SLCO2A1: variants seen among roughly 807,000 people sequenced by gnomAD.
SLCO2A1 encodes the protein solute carrier organic anion transporter family member 2A1, also known as matrin F/G 1.
A neutral mutation model predicts 71.7 loss-of-function variants in SLCO2A1; 60 were observed. The observed-to-expected ratio is 0.84, with a 90% CI of 0.68 to 1.04. SLCO2A1 has a LOEUF of 1.04. SLCO2A1 is among the 50% of genes least tolerant of loss of function. The probability of loss-of-function intolerance (pLI) is 0.00; values close to 1 mark genes in which losing one functional copy is unlikely to be tolerated. For synonymous variants in SLCO2A1, 308 were observed against 326.7 expected, an observed-to-expected ratio of 0.94 and a Z score of 0.62; for missense variants, 745 against 813.4, an observed-to-expected ratio of 0.92 and a Z score of 1.02.
At chr3:134,012,088 T>C (rs7629416) in intron 1 of SLCO2A1, among the ~76,000 whole-genome samples, 92,835 of 152,010 alleles carry the variant, frequency 0.61, 29,258 homozygotes, top group Middle Eastern at 0.79. Flanking sequence ...GAACCAGCAA[T>C]GAAACCTTTG....
At position 133,979,540 on chromosome 3, in the gene SLCO2A1, T is replaced by C. The variant is rs1934536213; in HGVS notation, c.175A>G (p.Ile59Val). ...CTGGAGAGCCCAAAGCGCTTCTCAA[T>C]GGTGGTGAGGCTGCTCTTGAAGTAG... ...SAYFKSSLTTIEKRFGLSSSS... is the reference protein window; with the variant it reads ...SAYFKSSLTTVEKRFGLSSSS... Residue 59 changes from isoleucine (I) to valine (V), a missense_variant, in exon 2 of 14, where the codon ATT (isoleucine) becomes GTT (valine). Coordinates refer to ENST00000310926, the MANE Select transcript of SLCO2A1 (RefSeq NM_005630.3). 13 of 1,613,988 alleles carry C rather than the reference T, an allele frequency of 8.1e-6. No homozygotes were observed. The highest frequency in any genetic ancestry group is 9.3e-6 in the Non-Finnish European group (11 of 1,180,002).
At chr3:133,947,788 G>A (rs1024532154) in intron 8 of SLCO2A1, among the ~76,000 whole-genome samples, 3 of 152,280 alleles carry the variant, frequency 2.0e-5, no homozygotes, top group Non-Finnish European at 1.5e-5. Flanking sequence ...CAAGAGTGAT[G>A]ACCCCTATGT....
rs147004307 is a variant in SLCO2A1, at chr3:133,975,284, C to T, written c.235-1459G>A. Among the ~76,000 whole-genome samples, 405 of 152,306 alleles carry T rather than the reference C, an allele frequency of 2.7e-3. 1 individual carries two copies. Among genetic ancestry groups the T allele is most frequent in the African/African-American group, 9.1e-3 (380 of 41,554 alleles). On this transcript the variant is annotated intron_variant, in intron 2 of 13. Transcript: ENST00000310926. ...GTCCTCCTTGTCTCAGTAAATGGCA[C>T]CTCCATCCTCCCAGTGGCTCACACA...
intron 1 of SLCO2A1, among the ~76,000 whole-genome samples, chr3:134,007,437 T>G (rs1013478274): frequency 6.6e-6 from 1 of 152,226 alleles, no homozygotes; most frequent in Non-Finnish European, 1.5e-5. Flanking sequence ...CTCTAAGAGT[T>G]TTATAGTTTT....
chr3:133,964,402 A>G (rs1934117546), intron 3 of SLCO2A1, among the ~76,000 whole-genome samples: 1 of 152,216 alleles, frequency 6.6e-6, no homozygotes, highest in Non-Finnish European at 1.5e-5. Context: ...TTTTCATCCA[A>G]AGAGATGAGT....
chr3:134,027,044 C>T (rs545078268), intron 1 of SLCO2A1, among the ~76,000 whole-genome samples: 18 of 152,324 alleles, frequency 1.2e-4, no homozygotes, highest in African/African-American at 3.8e-4. Flanking sequence ...AAAGCTTCAT[C>T]GCTACCTTAG....
intron 1 of SLCO2A1, among the ~76,000 whole-genome samples, chr3:133,981,762 G>C (rs1353036435): frequency 6.6e-6 from 1 of 152,110 alleles, no homozygotes; most frequent in Admixed American, 6.5e-5. Flanking sequence ...GGATCATGAG[G>C]TCAGGAGTTC....
At chr3:133,962,877 C>A (rs1934073057) in intron 3 of SLCO2A1, among the ~76,000 whole-genome samples, 1 of 152,178 alleles carries the variant, frequency 6.6e-6, no homozygotes, top group South Asian at 2.1e-4. Context: ...CCAAACACAG[C>A]CACCTGCCCC....
chr3:133,946,209 A>C (rs1576428319), intron 9 of SLCO2A1, among the ~76,000 whole-genome samples: 1 of 146,674 alleles, frequency 6.8e-6, no homozygotes, highest in Non-Finnish European at 1.5e-5. Context: ...TCCTTCACCC[A>C]CCAAAGACAG....
At chr3:133,981,692 C>T (rs1053120235) in intron 1 of SLCO2A1, among the ~76,000 whole-genome samples, 1 of 152,126 alleles carries the variant, frequency 6.6e-6, no homozygotes, top group African/African-American at 2.4e-5. Flanking sequence ...AAAAGAAAAG[C>T]AAGGCTGGGC....
intron 3 of SLCO2A1, among the ~76,000 whole-genome samples, chr3:133,966,556 G>T (rs150060555): frequency 1.3e-5 from 2 of 152,336 alleles, no homozygotes; most frequent in Non-Finnish European, 2.9e-5. Flanking sequence ...CTTAGGTCCT[G>T]GTTTGTGGGT....
intron 3 of SLCO2A1, among the ~76,000 whole-genome samples, chr3:133,958,793 G>T (rs1933961009): frequency 6.6e-6 from 1 of 152,184 alleles, no homozygotes; most frequent in South Asian, 2.1e-4. Context: ...TATTTCTGAA[G>T]ATTCAGACAA....
In SLCO2A1 at chr3:133,955,090, G is replaced by T. The variant is rs1243799853; in HGVS notation, c.501C>A (p.Ser167Arg). ...STTQNPQKET[S>R]SMWGLMVVAQ... ...CAACCACCATCAGGCCCCACATGCT[G>T]CTGGTCTCCTTCTGGGGGTTCTGGG... Residue 167 changes from serine to arginine, a missense_variant, in exon 4 of 14, where the codon AGC (serine) becomes AGA (arginine). Transcript: ENST00000310926. The T allele has an allele frequency of 1.4e-5, 22 of 1,614,080 alleles. No homozygotes were observed. The highest frequency in any genetic ancestry group is 2.7e-5 in the African/African-American group (2 of 74,944).
At chr3:133,983,418 C>T (rs1331875417) in intron 1 of SLCO2A1, among the ~76,000 whole-genome samples, 3 of 152,220 alleles carry the variant, frequency 2.0e-5, no homozygotes, top group Non-Finnish European at 4.4e-5. Context: ...CCCCAATGAG[C>T]CCTGTGCAGA....
chr3:133,982,416 G>A (rs530339876), intron 1 of SLCO2A1, among the ~76,000 whole-genome samples: 2 of 152,174 alleles, frequency 1.3e-5, no homozygotes, highest in South Asian at 2.1e-4. Context: ...CAGAACTTTC[G>A]CCAGAGTTTT....
intron 1 of SLCO2A1, among the ~76,000 whole-genome samples, chr3:133,999,974 C>T (rs769819732): frequency 7.2e-5 from 11 of 152,124 alleles, no homozygotes; most frequent in Non-Finnish European, 1.3e-4. Context: ...ACGGAGGCCA[C>T]GCAAGATCTT....
At chr3:133,996,136 C>A (rs1934958548) in intron 1 of SLCO2A1, among the ~76,000 whole-genome samples, 1 of 152,114 alleles carries the variant, frequency 6.6e-6, no homozygotes, top group Non-Finnish European at 1.5e-5. Flanking sequence ...GGTGAACAGC[C>A]CGAGGAGGTT....
intron 1 of SLCO2A1, among the ~76,000 whole-genome samples, chr3:133,986,530 T>G (rs1934717618): frequency 6.6e-6 from 1 of 152,214 alleles, no homozygotes; most frequent in African/African-American, 2.4e-5. Context: ...CAGGAGGCAC[T>G]CAGGCTTCTA....
intron 3 of SLCO2A1, among the ~76,000 whole-genome samples, chr3:133,965,082 G>A (rs1017448629): frequency 6.6e-6 from 1 of 152,038 alleles, no homozygotes; most frequent in African/African-American, 2.4e-5. Flanking sequence ...AGAATTTATT[G>A]TTCACAGATT....
Sources: allele counts gnomAD v4.1 joint callset (sites outside exome capture counted in the v4.1 genomes callset), GRCh38; gene constraint gnomAD v4.1.1; transcripts MANE v1.5; gene names NCBI Gene and HGNC (gene_info 2026-07-23, HGNC 2026-07-21).